Variants in ROR1 observed in about 807,000 individuals in gnomAD.
The protein encoded by ROR1 is ROR family WNT receptor 1.
ROR1 carries 19 observed loss-of-function variants against 78.8 expected under a neutral mutation model. The observed-to-expected ratio is 0.24, with a 90% CI of 0.17 to 0.35. The LOEUF is 0.35. ROR1 is among the 10% of genes least tolerant of loss of function. The pLI, the probability that ROR1 is intolerant of heterozygous loss-of-function variation, is 1.00. For synonymous variants in ROR1, 386 were observed against 433.6 expected, an observed-to-expected ratio of 0.89 and a Z score of 1.36; for missense variants, 917 against 1,177.8, an observed-to-expected ratio of 0.78 and a Z score of 3.24.
intron 1 of ROR1, among the ~76,000 whole-genome samples, chr1:63,967,021 T>C (rs1317232347): frequency 6.6e-6 from 1 of 152,206 alleles, no homozygotes; most frequent in African/African-American, 2.4e-5. Context: ...ATTTAGTTAT[T>C]TGAGCCCACC....
chr1:64,082,984 A>G (rs1474998250), intron 4 of ROR1, among the ~76,000 whole-genome samples: 1 of 152,212 alleles, frequency 6.6e-6, no homozygotes, highest in African/African-American at 2.4e-5. Context: ...ACATATCCAA[A>G]AGAAATTATT....
chr1:63,921,434 T>A (rs1645653485), intron 1 of ROR1, among the ~76,000 whole-genome samples: 1 of 151,988 alleles, frequency 6.6e-6, no homozygotes. Context: ...ACAAGCAGGA[T>A]AAGACAGGAA....
intron 1 of ROR1, among the ~76,000 whole-genome samples, chr1:63,887,771 T>C (rs944263137): frequency 1.4e-4 from 21 of 152,214 alleles, no homozygotes; most frequent in Non-Finnish European, 2.8e-4. Context: ...TCTTTGACAA[T>C]GATGGGCCTA....
chr1:64,039,506 G>A (rs1410589247), intron 2 of ROR1, among the ~76,000 whole-genome samples: 2 of 152,176 alleles, frequency 1.3e-5, no homozygotes, highest in Non-Finnish European at 2.9e-5. Flanking sequence ...TAAGAGTCAG[G>A]CCAGGGTAGT....
chr1:63,870,064 G>C (rs544093339), intron 1 of ROR1, among the ~76,000 whole-genome samples: 1 of 152,182 alleles, frequency 6.6e-6, no homozygotes, highest in South Asian at 2.1e-4. Context: ...AATGTGTGTG[G>C]GCTCACCATT....
chr1:63,948,469 G>C (rs184695986), intron 1 of ROR1, among the ~76,000 whole-genome samples: 48 of 152,140 alleles, frequency 3.2e-4, no homozygotes, highest in Admixed American at 2.5e-3. Context: ...GATACTTCCA[G>C]AGGGTATAAG....
At chr1:63,817,855 T>G (rs1241815493) in intron 1 of ROR1, among the ~76,000 whole-genome samples, 1 of 149,384 alleles carries the variant, frequency 6.7e-6, no homozygotes, top group East Asian at 1.9e-4. Context: ...GCCTCGTGCT[T>G]CTTCTGCATT....
chr1:64,095,048 C>T (rs1300027568), intron 4 of ROR1: 2 of 152,186 alleles, frequency 1.3e-5, no homozygotes, highest in Admixed American at 1.3e-4. Flanking sequence ...ACAGTGCTGC[C>T]ATGATTGGAG....
chr1:64,001,476 C>T (rs1460818101), intron 1 of ROR1, among the ~76,000 whole-genome samples: 2 of 152,192 alleles, frequency 1.3e-5, no homozygotes, highest in Admixed American at 1.3e-4. Flanking sequence ...ACTATATATA[C>T]ATATTTTAAC....
chr1:63,893,079 T>C (rs1645410699), intron 1 of ROR1, among the ~76,000 whole-genome samples: 1 of 152,174 alleles, frequency 6.6e-6, no homozygotes, highest in Non-Finnish European at 1.5e-5. Context: ...TCCCTGTCTC[T>C]AGAGTGGTGG....
intron 1 of ROR1, among the ~76,000 whole-genome samples, chr1:63,984,304 TGGTCAAGGAGAAACAGAGCA>T (rs1646233846): frequency 6.6e-6 from 1 of 152,170 alleles, no homozygotes; most frequent in Non-Finnish European, 1.5e-5. Context: ...GGAAGGGGTC[TGGTCAAGGAGAAACAGAGCA>T]CTGGTGCCTG....
At chr1:63,942,270 A>C (rs971768133) in intron 1 of ROR1, among the ~76,000 whole-genome samples, 2 of 152,176 alleles carry the variant, frequency 1.3e-5, no homozygotes, top group Non-Finnish European at 2.9e-5. Context: ...GATAAAAACA[A>C]TCCTGGCAGA....
chr1:63,805,732 A>G (rs1180210157), intron 1 of ROR1, among the ~76,000 whole-genome samples: 1 of 152,244 alleles, frequency 6.6e-6, no homozygotes, highest in Admixed American at 6.5e-5. Context: ...GCTTCATTAC[A>G]GGCCGGGTAC....
intron 4 of ROR1, among the ~76,000 whole-genome samples, chr1:64,098,625 A>C (rs935291491): frequency 1.3e-5 from 2 of 152,064 alleles, no homozygotes; most frequent in African/African-American, 4.8e-5. Flanking sequence ...GTTGTCAGTC[A>C]CACCTCCCTG....
chr1:64,075,422 A>G (rs1192017406), intron 4 of ROR1, among the ~76,000 whole-genome samples: 1 of 152,142 alleles, frequency 6.6e-6, no homozygotes, highest in Admixed American at 6.6e-5. Context: ...CTGTCCTTAT[A>G]CGATGTTTCT....
At chr1:63,813,774 G>A (rs1028773486) in intron 1 of ROR1, among the ~76,000 whole-genome samples, 1 of 152,164 alleles carries the variant, frequency 6.6e-6, no homozygotes, top group African/African-American at 2.4e-5. Context: ...ACAAAGAAAA[G>A]CATATTTATT....
At chr1:63,948,363 A>G (rs1018612727) in intron 1 of ROR1, among the ~76,000 whole-genome samples, 11 of 151,828 alleles carry the variant, frequency 7.2e-5, no homozygotes, top group Non-Finnish European at 1.5e-4. Flanking sequence ...CTGATTTACA[A>G]ACATTTGGAG....
intron 1 of ROR1, among the ~76,000 whole-genome samples, chr1:63,885,448 G>A (rs906019936): frequency 6.6e-6 from 1 of 152,108 alleles, no homozygotes; most frequent in Non-Finnish European, 1.5e-5. Flanking sequence ...ACAAACAGGG[G>A]GATATGGCAG....
At chr1:63,940,498 C>CAGACAGACAGATAGAT (rs1230477303) in intron 1 of ROR1, among the ~76,000 whole-genome samples, 34 of 75,214 alleles carry the variant, frequency 4.5e-4, no homozygotes, top group South Asian at 1.1e-3. Context: ...GATAGACAGA[C>CAGACAGACAGATAGAT]AGATAGATAG....
Sources: gnomAD v4.1 joint callset for allele counts (sites outside exome capture counted in the v4.1 genomes callset) on GRCh38, gnomAD v4.1.1 for gene constraint, MANE v1.5 for transcripts, NCBI Gene and HGNC (gene_info 2026-07-23, HGNC 2026-07-21) for gene names.